PDE8A: variants seen among roughly 807,000 people sequenced by gnomAD.
PDE8A encodes the protein phosphodiesterase 8A.
In PDE8A, 59 loss-of-function variants were observed where a neutral mutation model predicts 105.0. The ratio of observed to expected loss-of-function variants is 0.56; its 90% confidence interval spans 0.46 to 0.70. PDE8A has a LOEUF of 0.70. Among genes scored for constraint, PDE8A ranks in the 30% least tolerant of loss-of-function variants. PDE8A has a pLI of 0.00. For synonymous variants in PDE8A, 355 were observed against 371.9 expected (o/e 0.95, Z 0.52); for missense variants, 1,014 against 1,045.9 (o/e 0.97, Z 0.42).
At chr15:85,134,793 G>A (rs1364888836) in intron 20 of PDE8A, among the ~76,000 whole-genome samples, 1 of 152,180 alleles carries the variant, frequency 6.6e-6, no homozygotes, top group Non-Finnish European at 1.5e-5. Context: ...GAGAGCCGGA[G>A]TGAGTTGTTG....
intron 1 of PDE8A, among the ~76,000 whole-genome samples, chr15:85,004,285 A>G (rs1256625071): frequency 2.0e-5 from 3 of 152,194 alleles, no homozygotes; most frequent in Non-Finnish European, 4.4e-5. Flanking sequence ...TTATTGGTTC[A>G]GTAATAGATA....
intron 1 of PDE8A, among the ~76,000 whole-genome samples, chr15:85,056,528 A>G (rs2081062560): frequency 1.3e-5 from 2 of 151,986 alleles, no homozygotes; most frequent in Non-Finnish European, 1.5e-5. Flanking sequence ...ATTTTTCTCT[A>G]AACTTCTCTT....
chr15:85,115,961 C>G (rs1032598730), intron 15 of PDE8A, 23 bp from the exon 16 acceptor site: 3 of 1,573,108 alleles, frequency 1.9e-6, no homozygotes, highest in Non-Finnish European at 2.6e-6. Context: ...CCTATTTGTT[C>G]TCCAAATTAC....
At chr15:85,080,264 C>T (rs2081444277) in intron 5 of PDE8A, among the ~76,000 whole-genome samples, 2 of 152,162 alleles carry the variant, frequency 1.3e-5, no homozygotes, top group South Asian at 4.1e-4. Context: ...ACATACACAT[C>T]AGCACCTACC....
chr15:84,994,285 C>A (rs943951687), intron 1 of PDE8A, among the ~76,000 whole-genome samples: 1 of 152,214 alleles, frequency 6.6e-6, no homozygotes, highest in African/African-American at 2.4e-5. Flanking sequence ...ATATTAATTA[C>A]ACTCACTTTA....
At chr15:84,994,337 A>T (rs1303757022) in intron 1 of PDE8A, among the ~76,000 whole-genome samples, 1 of 152,194 alleles carries the variant, frequency 6.6e-6, no homozygotes, top group Non-Finnish European at 1.5e-5. Context: ...CTTTTTATTG[A>T]GTTATAAATG....
In PDE8A at chr15:85,018,402, C is replaced by G. The variant is rs565425196; in HGVS notation, c.186+36054C>G. On this transcript the variant is annotated intron_variant, in intron 1 of 21. Transcript: ENST00000394553. Reference sequence around the variant, plus strand: ...TGGTTGATCTGCATTCTGTCTTAAACTCTTTATTTCATTGTGGATTATTAA... The same window carrying G: ...TGGTTGATCTGCATTCTGTCTTAAAGTCTTTATTTCATTGTGGATTATTAA... Among the ~76,000 whole-genome samples the G allele has an allele frequency of 5.9e-5, 9 of 152,262 alleles. No individual in the cohort carries two copies. The East Asian group carries it at 1.5e-3, about 26-fold the overall frequency.
chr15:85,061,856 CT>C (rs1420781991), intron 1 of PDE8A, among the ~76,000 whole-genome samples: 1 of 152,092 alleles, frequency 6.6e-6, no homozygotes, highest in Non-Finnish European at 1.5e-5. Flanking sequence ...CTCATTCTTT[CT>C]TTTGCCTGCC....
intron 1 of PDE8A, among the ~76,000 whole-genome samples, chr15:84,989,793 A>AT (rs1052175317): frequency 2.0e-5 from 3 of 152,206 alleles, no homozygotes; most frequent in East Asian, 1.9e-4. Context: ...AAATATATCT[A>AT]TTTTTTAACG....
At chr15:85,091,231 G>A in intron 8 of PDE8A, 50 bp downstream of exon 8, 1 of 1,513,376 alleles carries the variant, frequency 6.6e-7, no homozygotes, top group South Asian at 1.3e-5. Flanking sequence ...CAGAGAGAAG[G>A]AAGACTTAGT....
At chr15:85,107,916 C>G (rs922722175) in intron 11 of PDE8A, among the ~76,000 whole-genome samples, 1 of 151,888 alleles carries the variant, frequency 6.6e-6, no homozygotes, top group South Asian at 2.1e-4. Context: ...TTTGGAAACA[C>G]CAGGGGTACT....
intron 1 of PDE8A, among the ~76,000 whole-genome samples, chr15:85,040,710 A>G (rs754822143): frequency 5.3e-5 from 8 of 151,924 alleles, no homozygotes; most frequent in Middle Eastern, 3.4e-3. Context: ...ACAGGCGCCC[A>G]CCATCATACC....
At chr15:85,006,556 C>T (rs895759504) in intron 1 of PDE8A, among the ~76,000 whole-genome samples, 3 of 152,154 alleles carry the variant, frequency 2.0e-5, no homozygotes, top group Admixed American at 1.3e-4. Flanking sequence ...AGTCTTTGTC[C>T]ATATGTTTAT....
intron 1 of PDE8A, among the ~76,000 whole-genome samples, chr15:85,060,050 C>A (rs2081119394): frequency 6.6e-6 from 1 of 152,152 alleles, no homozygotes; most frequent in South Asian, 2.1e-4. Flanking sequence ...GACTTAACTT[C>A]TGTCATTTTG....
chr15:85,031,129 G>A (rs2080608507), intron 1 of PDE8A, among the ~76,000 whole-genome samples: 1 of 152,138 alleles, frequency 6.6e-6, no homozygotes, highest in African/African-American at 2.4e-5. Flanking sequence ...TATATTAGAA[G>A]ATTATAAATT....
chr15:85,035,499 C>T (rs529608866), intron 1 of PDE8A, among the ~76,000 whole-genome samples: 13 of 152,172 alleles, frequency 8.5e-5, no homozygotes, highest in African/African-American at 3.1e-4. Flanking sequence ...CGTGAGCCAC[C>T]GCGCCGGGCC....
intron 8 of PDE8A, among the ~76,000 whole-genome samples, chr15:85,094,239 A>C (rs545134903): frequency 6.6e-6 from 1 of 152,262 alleles, no homozygotes; most frequent in Admixed American, 6.5e-5. Context: ...ATGGGTACCA[A>C]GTAAATGGTG....
intron 20 of PDE8A, 58 bp from the exon 21 acceptor site, chr15:85,136,476 C>G: frequency 6.4e-7 from 1 of 1,566,452 alleles, no homozygotes; most frequent in East Asian, 2.3e-5. Flanking sequence ...GAGGGGCTGC[C>G]CCTAGGTGGA....
Position 85,091,108 on chromosome 15 carries a change from TAGG to T in PDE8A, c.782_784del (p.Gly261del). ...TCAGGTGAATTAATAGGGAAGGAGT[TAGG>T]AGAAGTGCCTATAAATGAAAAAAAG... On this transcript the variant is annotated inframe_deletion, in exon 8 of 22. Transcript: ENST00000394553. The T allele has an allele frequency of 1.9e-6, 3 of 1,613,044 alleles. No homozygotes were observed. Among genetic ancestry groups the T allele is most frequent in the South Asian group, 1.1e-5 (1 of 91,032 alleles).
Sources: allele counts gnomAD v4.1 joint callset (sites outside exome capture counted in the v4.1 genomes callset), GRCh38; gene constraint gnomAD v4.1.1; transcripts MANE v1.5; gene names NCBI Gene and HGNC (gene_info 2026-07-23, HGNC 2026-07-21).